Variants in TOR1AIP2 observed in about 807,000 individuals in gnomAD.
TOR1AIP2 encodes torsin 1A interacting protein 2.
Under a neutral mutation model 32.6 loss-of-function variants are expected in TOR1AIP2, and 20 were observed. That is an observed-to-expected ratio of 0.61 (90% CI 0.43 to 0.89). The LOEUF (loss-of-function observed/expected upper bound fraction) is 0.89. Ranked by LOEUF, TOR1AIP2 falls within the 40% of genes least tolerant of loss-of-function variation. The pLI, the probability that TOR1AIP2 is intolerant of heterozygous loss-of-function variation, is 0.00. For missense variants in TOR1AIP2, 456 were observed against 553.8 expected (o/e 0.82, Z 1.77); for synonymous variants, 214 against 210.8 (o/e 1.02, Z -0.13).
At chr1:179,857,552 A>C (rs1696351556) in intron 3 of TOR1AIP2, among the ~76,000 whole-genome samples, 1 of 152,180 alleles carries the variant, frequency 6.6e-6, no homozygotes, top group South Asian at 2.1e-4. Flanking sequence ...CTGTCTTCTA[A>C]GATGTATCCT....
At chr1:179,849,291 G>A (rs927709998) in intron 5 of TOR1AIP2, among the ~76,000 whole-genome samples, 2 of 152,022 alleles carry the variant, frequency 1.3e-5, no homozygotes, top group East Asian at 1.9e-4. Context: ...CTGTCAACAA[G>A]GCTGGAGTGT....
chr1:179,875,548 T>C (rs1647241820), intron 2 of TOR1AIP2: 1 of 152,204 alleles, frequency 6.6e-6, no homozygotes, highest in Non-Finnish European at 1.5e-5. Context: ...TTTCCAAAAA[T>C]GTCATTACAT....
chr1:179,855,464 A>C (rs1241187328), intron 3 of TOR1AIP2, among the ~76,000 whole-genome samples: 1 of 152,250 alleles, frequency 6.6e-6, no homozygotes, highest in African/African-American at 2.4e-5. Flanking sequence ...ATATTAAAAA[A>C]CAGTCAAAGA....
chr1:179,850,750 CA>C (rs1696081237), intron 5 of TOR1AIP2, 94 bp downstream of exon 5: 1 of 1,473,716 alleles, frequency 6.8e-7, no homozygotes, highest in Non-Finnish European at 9.1e-7. Context: ...TGAAAGATGA[CA>C]AAAGTTCTCT....
chr1:179,863,522 C>T (rs911687759), intron 3 of TOR1AIP2: 16 of 984,710 alleles, frequency 1.6e-5, no homozygotes, highest in African/African-American at 5.3e-5. Flanking sequence ...AAAAACCTAA[C>T]GATAAAAAGC....
chr1:179,868,810 A>C (rs192835251), intron 2 of TOR1AIP2: 14 of 152,314 alleles, frequency 9.2e-5, no homozygotes, highest in Non-Finnish European at 1.6e-4. Flanking sequence ...CCACTTACAT[A>C]AAGTTTCAAA....
At position 179,843,796 on chromosome 1, in the gene TOR1AIP2, G is replaced by A. The variant is rs1571646493; in HGVS notation, c.*2275C>T. The A allele has an allele frequency of 7.1e-6, 1 of 141,766 alleles. No individual in the cohort carries two copies. Among genetic ancestry groups the A allele is most frequent in the African/African-American group, 2.7e-5 (1 of 37,056 alleles). 8.8% of individuals were successfully genotyped at this position (141,766 alleles called of 1,614,324 possible). On this transcript the variant is annotated 3_prime_UTR_variant, in exon 7 of 7. Coordinates refer to ENST00000609928, the MANE Select transcript of TOR1AIP2 (RefSeq NM_001199260.2). ...TGATCAAGCCACAGCACTGCAGCCT[G>A]GGAGTCAGAGTGAGACTCCATCTCA... is the stretch of plus-strand genomic sequence containing the variant.
rs2148415137 is a variant in TOR1AIP2, at chr1:179,841,203, T to TA, written c.*4867dup. 6.6e-6 allele frequency: 1 copy of TA among 152,304 alleles called. No homozygotes were observed. Among genetic ancestry groups the TA allele is most frequent in the South Asian group, 2.1e-4 (1 of 4,826 alleles). The allele number at this position is 152,304 out of a possible 1,614,324, so 9.4% of individuals were successfully genotyped here. A position where few individuals can be genotyped will look rare whatever the true frequency, so the allele number is the denominator to read the frequency against. On this transcript the variant is annotated 3_prime_UTR_variant, in exon 7 of 7. Transcript: ENST00000609928. ...ATCAACTTTCCCATTGGACAAGTGA[T>TA]AGTGTTCAAGCTACTTGACTTGTGA...
At chr1:179,860,576 G>T in intron 3 of TOR1AIP2, 1 of 985,412 alleles carries the variant, frequency 1.0e-6, no homozygotes, top group Non-Finnish European at 1.2e-6. Flanking sequence ...TCATCCTAAA[G>T]ATTTAGTATG....
rs1194305568 is a variant in TOR1AIP2 at position 179,852,627 on chromosome 1, CT to C, written c.34+4del. ...CAACCTCAGTGCCAGACAAATCAGT[CT>C]TACCCTCTTGAGGTTCCCTAAGTCC... On this transcript the variant is annotated splice_donor_region_variant and intron_variant, in intron 4 of 6. Coordinates refer to ENST00000609928, the MANE Select transcript of TOR1AIP2 (RefSeq NM_001199260.2). 3 of 1,614,016 alleles carry C rather than the reference CT, an allele frequency of 1.9e-6. No individual in the cohort carries two copies. Among genetic ancestry groups the C allele is most frequent in the Non-Finnish European group, 2.5e-6 (3 of 1,179,930 alleles).
intron 3 of TOR1AIP2, chr1:179,864,739 C>T (rs758776137): frequency 1.4e-5 from 21 of 1,525,316 alleles, no homozygotes; most frequent in Non-Finnish European, 1.8e-5. Flanking sequence ...GGGCTACCTA[C>T]ACAAAAGCCT....
intron 3 of TOR1AIP2, chr1:179,858,953 G>A: frequency 1.1e-6 from 1 of 873,870 alleles, no homozygotes; most frequent in Non-Finnish European, 1.4e-6. Flanking sequence ...CAGCCAAGAA[G>A]AGCACAAAAG....
intron 3 of TOR1AIP2, chr1:179,863,520 A>G: frequency 1.0e-6 from 1 of 985,124 alleles, no homozygotes; most frequent in Non-Finnish European, 1.2e-6. Flanking sequence ...AAAAAAACCT[A>G]ACGATAAAAA....
rs983910308 is a variant in TOR1AIP2, at chr1:179,840,882, C to T, written c.*5189G>A. The T allele has an allele frequency of 8.6e-6, 1 of 116,040 alleles. No homozygotes were observed. The highest frequency in any genetic ancestry group is 1.6e-5 in the Non-Finnish European group (1 of 61,322). The allele number at this position is 116,040 out of a possible 1,614,324, so 7.2% of individuals were successfully genotyped here. A position where few individuals can be genotyped will look rare whatever the true frequency, so the allele number is the denominator to read the frequency against. On this transcript the variant is annotated 3_prime_UTR_variant, in exon 7 of 7. Transcript: ENST00000609928. ...CATGTTCTCCACATGTATCCCAGAA[C>T]TTAAACTATAATAATAATAATAATA...
At chr1:179,861,554 A>G (rs1696532340) in intron 3 of TOR1AIP2, 1 of 985,220 alleles carries the variant, frequency 1.0e-6, no homozygotes, top group Non-Finnish European at 1.2e-6. Flanking sequence ...CATAGTTTAT[A>G]ATGACACTGA....
At position 179,850,963 on chromosome 1, in the gene TOR1AIP2, G is replaced by A. The variant is rs369907841; in HGVS notation, c.435C>T (p.Asp145=). The A allele has an allele frequency of 7.4e-5, 120 of 1,614,042 alleles. 1 individual carries two copies. The Admixed American group carries it at 1.3e-3, about 17-fold the overall frequency. ...GTGGTTCCTGAGATGCTCCAGTTCC[G>A]TCACTCGCTTCCTTAGGGAGGGCCA... The part of the protein sequence containing the change: ...SSVALPKEAS[D]GTGASQEPPT... Residue 145 remains aspartate (D), a synonymous_variant, in exon 5 of 7, where the codon GAC becomes GAT. Coordinates refer to ENST00000609928, the MANE Select transcript of TOR1AIP2 (RefSeq NM_001199260.2).
At chr1:179,864,112 G>A in intron 3 of TOR1AIP2, 1 of 985,388 alleles carries the variant, frequency 1.0e-6, no homozygotes, top group East Asian at 1.1e-4. Flanking sequence ...ATGGACAGGT[G>A]GCATTTCTGC....
intron 2 of TOR1AIP2, chr1:179,873,950 G>A (rs1371261283): frequency 1.3e-5 from 2 of 152,122 alleles, no homozygotes; most frequent in African/African-American, 4.8e-5. Flanking sequence ...AGATTTTTCA[G>A]GCTCATCTTG....
At chr1:179,860,476 T>C (rs1005702532) in intron 3 of TOR1AIP2, 4 of 985,334 alleles carry the variant, frequency 4.1e-6, no homozygotes, top group African/African-American at 1.7e-5. Context: ...AACGAGACTC[T>C]GTCTCAAAAA....
Sources: allele counts gnomAD v4.1 joint callset (sites outside exome capture counted in the v4.1 genomes callset), GRCh38; gene constraint gnomAD v4.1.1; transcripts MANE v1.5; gene names NCBI Gene and HGNC (gene_info 2026-07-23, HGNC 2026-07-21).